The following ANKRD11 variants were observed in gnomAD, a reference collection of about 807,000 sequenced individuals.
The protein encoded by ANKRD11 is ankyrin repeat domain-containing protein 11.
A neutral mutation model predicts 195.7 loss-of-function variants in ANKRD11; 17 were observed. That is an observed-to-expected ratio of 0.09 (90% confidence interval 0.06 to 0.13). The LOEUF is 0.13. Ranked by LOEUF, ANKRD11 falls within the 10% of genes least tolerant of loss-of-function variation. The probability of loss-of-function intolerance (pLI) is 1.00; values close to 1 mark genes in which losing one functional copy is unlikely to be tolerated. For synonymous variants in ANKRD11, 1,953 were observed against 1,528.1 expected, an observed-to-expected ratio of 1.28 and a Z score of -6.49; for missense variants, 3,735 against 3,566.1, an observed-to-expected ratio of 1.05 and a Z score of -1.21.
intron 1 of ANKRD11, among the ~76,000 whole-genome samples, chr16:89,430,366 T>C (rs2042924072): frequency 6.8e-6 from 1 of 148,124 alleles, no homozygotes; most frequent in African/African-American, 2.5e-5. Context: ...ACTCTCACGC[T>C]CAGTCGTTCT....
chr16:89,336,690 C>G (rs1331412184), intron 2 of ANKRD11, among the ~76,000 whole-genome samples: 1 of 152,200 alleles, frequency 6.6e-6, no homozygotes, highest in African/African-American at 2.4e-5. Context: ...ACTAGGAGAC[C>G]CGGCCTGTCC....
At chr16:89,441,645 C>T (rs576331267) in intron 1 of ANKRD11, among the ~76,000 whole-genome samples, 81 of 150,406 alleles carry the variant, frequency 5.4e-4, no homozygotes, top group East Asian at 2.8e-3. Context: ...TGGGCACCTG[C>T]AGTCCCAGCT....
chr16:89,446,548 G>A (rs1247775704), intron 1 of ANKRD11, among the ~76,000 whole-genome samples: 1 of 152,030 alleles, frequency 6.6e-6, no homozygotes, highest in African/African-American at 2.4e-5. Flanking sequence ...AGGTGGCAGT[G>A]AGCTGTGATC....
intron 1 of ANKRD11, among the ~76,000 whole-genome samples, chr16:89,488,450 C>CT (rs1555604249): frequency 4.6e-5 from 7 of 151,524 alleles, no homozygotes; most frequent in East Asian, 1.9e-4. Flanking sequence ...GCCCCCCCCC[C>CT]TTTTTTTCTA....
At chr16:89,323,563 T>G (rs372653821) in intron 2 of ANKRD11, among the ~76,000 whole-genome samples, 1 of 8,182 alleles carries the variant, frequency 1.2e-4, no homozygotes, top group African/African-American at 4.5e-4. Context: ...GGGTCTGAGC[T>G]AAGGGCACGG....
intron 1 of ANKRD11, among the ~76,000 whole-genome samples, chr16:89,489,648 G>C (rs998046919): frequency 3.3e-5 from 5 of 151,858 alleles, no homozygotes; most frequent in African/African-American, 1.2e-4. Context: ...AGAGGTCGGC[G>C]CCCCAGCTCC....
At chr16:89,473,226 T>C (rs147278096) in intron 1 of ANKRD11, among the ~76,000 whole-genome samples, 1 of 147,756 alleles carries the variant, frequency 6.8e-6, no homozygotes. Flanking sequence ...GAAGGATGAG[T>C]AGGCATCAGT....
At chr16:89,457,673 C>A (rs1373362134) in intron 1 of ANKRD11, among the ~76,000 whole-genome samples, 2 of 151,660 alleles carry the variant, frequency 1.3e-5, no homozygotes, top group African/African-American at 4.8e-5. Flanking sequence ...AGTGGGCTGG[C>A]AGTGCTTGGG....
At chr16:89,349,569 A>G (rs2039110610) in intron 2 of ANKRD11, among the ~76,000 whole-genome samples, 1 of 152,248 alleles carries the variant, frequency 6.6e-6, no homozygotes, top group African/African-American at 2.4e-5. Context: ...AATCTTTTCC[A>G]CAAATGATGC....
chr16:89,457,578 C>T (rs550154603), intron 1 of ANKRD11, among the ~76,000 whole-genome samples: 24 of 123,788 alleles, frequency 1.9e-4, no homozygotes, highest in Non-Finnish European at 3.5e-4. Context: ...AGCAAGGCTC[C>T]GTCTCAAGAA....
At chr16:89,290,338 C>CG (rs1324565521) in intron 6 of ANKRD11, among the ~76,000 whole-genome samples, 50 of 43,842 alleles carry the variant, frequency 1.1e-3, no homozygotes, top group Non-Finnish European at 1.8e-3. Context: ...AGGGCTCCAG[C>CG]GGGGGAGGCT....
intron 9 of ANKRD11, 90 bp downstream of exon 9, chr16:89,278,982 G>C (rs772512667): frequency 1.3e-6 from 2 of 1,556,532 alleles, no homozygotes; most frequent in East Asian, 4.8e-5. Context: ...GCCATGAGTG[G>C]GACAAGACGG....
chr16:89,305,021 G>C, intron 4 of ANKRD11, 185 bp downstream of exon 4: 2 of 878,164 alleles, frequency 2.3e-6, no homozygotes, highest in South Asian at 1.8e-5. Flanking sequence ...CTGAGCCTCG[G>C]GTGCAAAGGA....
In ANKRD11 at chr16:89,490,513, C is replaced by A; in HGVS notation, c.-413G>T. The A allele has an allele frequency of 2.1e-6, 1 of 471,234 alleles. No homozygotes were observed. Among genetic ancestry groups the A allele is most frequent in the Non-Finnish European group, 3.8e-6 (1 of 262,214 alleles). The allele number at this position is 471,234 out of a possible 1,614,324, so 29.2% of individuals were successfully genotyped here. ...GGCCGCGGGCTCGGCGGCGGCGCCTCCCCGGCTGGGGCCCTCGGTCCATCG... is the reference window on the plus strand; with the variant it reads ...GGCCGCGGGCTCGGCGGCGGCGCCTACCCGGCTGGGGCCCTCGGTCCATCG... On this transcript the variant is annotated 5_prime_UTR_variant, in exon 1 of 13. Coordinates refer to ENST00000301030, the MANE Select transcript of ANKRD11 (RefSeq NM_013275.6).
chr16:89,446,373 A>G (rs1367647900), intron 1 of ANKRD11, among the ~76,000 whole-genome samples: 1 of 152,160 alleles, frequency 6.6e-6, no homozygotes, highest in Admixed American at 6.5e-5. Flanking sequence ...GGAGGCCCAG[A>G]CAGGCAGATC....
chr16:89,295,682 C>T (rs969125046), intron 4 of ANKRD11, among the ~76,000 whole-genome samples: 2 of 151,652 alleles, frequency 1.3e-5, no homozygotes, highest in Non-Finnish European at 2.9e-5. Flanking sequence ...AGACTGGAGG[C>T]GAGCGTCCCG....
intron 2 of ANKRD11, among the ~76,000 whole-genome samples, chr16:89,368,463 C>T (rs909128005): frequency 4.1e-5 from 6 of 147,762 alleles, no homozygotes; most frequent in African/African-American, 1.5e-4. Context: ...CCTCGTGATC[C>T]ACCTGCCTCG....
intron 1 of ANKRD11, among the ~76,000 whole-genome samples, chr16:89,442,036 G>C (rs1416237705): frequency 6.6e-6 from 1 of 152,202 alleles, no homozygotes; most frequent in African/African-American, 2.4e-5. Context: ...CTGTGACTAA[G>C]ATCCAAGAAA....
chr16:89,308,498 AC>A (rs2036426105), intron 3 of ANKRD11, among the ~76,000 whole-genome samples: 1 of 152,202 alleles, frequency 6.6e-6, no homozygotes, highest in Admixed American at 6.5e-5. Flanking sequence ...AAATAAGACA[AC>A]GAACACCTGA....
Sources: gnomAD v4.1 joint callset for allele counts (sites outside exome capture counted in the v4.1 genomes callset) on GRCh38, gnomAD v4.1.1 for gene constraint, MANE v1.5 for transcripts, NCBI Gene and HGNC (gene_info 2026-07-23, HGNC 2026-07-21) for gene names.